DNAH7: variants seen among roughly 807,000 people sequenced by gnomAD.
The protein encoded by DNAH7 is dynein axonemal heavy chain 7.
Under a neutral mutation model 444.6 loss-of-function variants are expected in DNAH7, and 397 were observed. The ratio of observed to expected loss-of-function variants is 0.89; its 90% CI spans 0.82 to 0.97. DNAH7 has a LOEUF of 0.97. DNAH7 is among the 50% of genes least tolerant of loss of function. The pLI is 0.00. For synonymous variants in DNAH7, 1,636 were observed against 1,624.4 expected, an observed-to-expected ratio of 1.01 and a Z score of -0.17; for missense variants, 4,902 against 4,800.8, an observed-to-expected ratio of 1.02 and a Z score of -0.62.
intron 19 of DNAH7, among the ~76,000 whole-genome samples, chr2:195,955,533 T>C (rs1320051052): frequency 6.6e-6 from 1 of 152,114 alleles, no homozygotes; most frequent in African/African-American, 2.4e-5. Context: ...GAAGTGTTAC[T>C]CTCCCCTCCC....
chr2:195,839,684 C>A (rs1698566778), intron 47 of DNAH7, among the ~76,000 whole-genome samples: 1 of 151,616 alleles, frequency 6.6e-6, no homozygotes, highest in South Asian at 2.1e-4. Flanking sequence ...GTGAGATTAT[C>A]ATTACAGACC....
In DNAH7 at chr2:195,883,457, C is replaced by G. The variant is rs373620860; in HGVS notation, c.5763+1128G>C. 3.4e-3 allele frequency among the ~76,000 whole-genome samples: 492 copies of G among 145,564 alleles called. 8 individuals are homozygous for G. Among genetic ancestry groups the G allele is most frequent in the African/African-American group, 0.012 (447 of 38,544 alleles). On this transcript the variant is annotated intron_variant, in intron 35 of 64. Coordinates refer to ENST00000312428, the MANE Select transcript of DNAH7 (RefSeq NM_018897.3). ...AGCGAGACTCAGTCCCCGCTCCCCC[C>G]CCCCAAAAAAAAAGAATCAGAAACG...
At chr2:195,824,955 G>A (rs1364989139) in intron 48 of DNAH7, 2 of 152,438 alleles carry the variant, frequency 1.3e-5, no homozygotes, top group Non-Finnish European at 2.9e-5. Context: ...TTTAATAATT[G>A]ACTCACACAG....
At chr2:195,956,691 C>T (rs1690686224) in intron 19 of DNAH7, among the ~76,000 whole-genome samples, 1 of 151,560 alleles carries the variant, frequency 6.6e-6, no homozygotes. Context: ...AAAAAACGTA[C>T]TTTTTTTTAG....
chr2:195,939,201 G>C (rs1207830780), intron 19 of DNAH7, among the ~76,000 whole-genome samples: 1 of 152,064 alleles, frequency 6.6e-6, no homozygotes, highest in Non-Finnish European at 1.5e-5. Flanking sequence ...AAAATTGTCT[G>C]TTAGAAAGAG....
chr2:195,941,082 T>G (rs192369395), intron 19 of DNAH7, among the ~76,000 whole-genome samples: 1 of 152,098 alleles, frequency 6.6e-6, no homozygotes, highest in African/African-American at 2.4e-5. Flanking sequence ...CGTATGTTTA[T>G]TGCGGTACTA....
intron 9 of DNAH7, among the ~76,000 whole-genome samples, chr2:196,018,271 AAT>A (rs1695149215): frequency 6.6e-6 from 1 of 152,146 alleles, no homozygotes. Flanking sequence ...CAAATAGTAT[AAT>A]ACACATAGTT....
intron 38 of DNAH7, 128 bp downstream of exon 38, chr2:195,875,547 A>T: frequency 1.1e-6 from 1 of 882,382 alleles, no homozygotes; most frequent in Non-Finnish European, 1.7e-6. Context: ...GTTAGGTCAC[A>T]ATAGATACAC....
chr2:195,754,442 C>A lies in DNAH7; in HGVS notation c.11659G>T (p.Gly3887Cys), dbSNP rs376031637. The A allele has an allele frequency of 6.2e-7, 1 of 1,613,942 alleles. No homozygotes were observed. The highest frequency in any genetic ancestry group is 1.7e-5 in the Admixed American group (1 of 59,974). The change falls in exon 63 of 65, where the codon GGT (glycine) becomes TGT (cysteine). Residue 3887 changes from glycine (G) to cysteine (C), a missense_variant. Physicochemically the swap from Gly to Cys is radical, Grantham distance 159. Transcript: ENST00000312428. The stretch of plus-strand genomic sequence containing the variant: ...TTCCTGGCGTAGTTCTGCTGGGCAC[C>A]GGTCAGGAAGGCTTGTGTGAAGAAG... ...GFFFTQAFLT[G>C]AQQNYARKYT...
intron 15 of DNAH7, among the ~76,000 whole-genome samples, chr2:195,983,627 T>C (rs1692715331): frequency 6.6e-6 from 1 of 152,160 alleles, no homozygotes; most frequent in Non-Finnish European, 1.5e-5. Context: ...ACACTGGGGA[T>C]CATGTTTCAA....
chr2:196,011,128 T>C (rs577706616), intron 10 of DNAH7, among the ~76,000 whole-genome samples: 4 of 152,292 alleles, frequency 2.6e-5, no homozygotes, highest in Non-Finnish European at 4.4e-5. Context: ...GAATTTATAG[T>C]ATATTCCAAA....
chr2:195,972,364 A>G lies in DNAH7; in HGVS notation c.1936T>C (p.Ser646Pro). ...LAFLIEYVNF[S>P]PADMRLNNSV... ...TTATTTAGCCTCATGTCTGCTGGAG[A>G]AAAGTTGACATACTCGATGAGGAAG... The change falls in exon 16 of 65, where the codon TCT becomes CCT. Residue 646 changes from serine to proline, a missense_variant. By Grantham distance (74) the Ser-to-Pro change is moderately conservative. Coordinates refer to ENST00000312428, the MANE Select transcript of DNAH7 (RefSeq NM_018897.3). 1 of 1,614,132 alleles carries G rather than the reference A, an allele frequency of 6.2e-7. No individual in the cohort carries two copies. The highest frequency in any genetic ancestry group is 8.5e-7 in the Non-Finnish European group (1 of 1,180,002).
Position 195,960,548 on chromosome 2 carries a change from G to C in DNAH7, c.2603C>G (p.Ser868Ter), listed in dbSNP as rs1240277919. Residue 868 changes from serine to a stop codon, truncating the protein, a stop_gained, in exon 18 of 65, where the codon TCA (serine) becomes TGA (stop). Transcript: ENST00000312428. LOFTEE classifies it high-confidence loss of function. ...AAAAGAGGAGACTGTGGAGTCATCT[G>C]ATGGCTGCAAAGGGTAACCAACAAT... ...SAIVGYPLQPSDDSTVSSFLD... is the reference protein window; with the variant it reads ...SAIVGYPLQP The C allele has an allele frequency of 1.2e-6, 2 of 1,614,196 alleles. No individual in the cohort carries two copies. The highest frequency in any genetic ancestry group is 2.7e-5 in the African/African-American group (2 of 75,052).
At chr2:195,787,265 T>C in intron 57 of DNAH7, 94 bp from the exon 58 acceptor site, 1 of 1,322,616 alleles carries the variant, frequency 7.6e-7, no homozygotes. Flanking sequence ...TTCTTTCATT[T>C]ATAAATAGCA....
rs1485853819 is a variant in DNAH7, at chr2:195,834,247, TAGTC to T, written c.9055_9058del (p.Asp3019MetfsTer17). The T allele has an allele frequency of 6.2e-7, 1 of 1,608,308 alleles. No individual in the cohort carries two copies. Among genetic ancestry groups the T allele is most frequent in the Non-Finnish European group, 8.5e-7 (1 of 1,175,664 alleles). On this transcript the variant is annotated frameshift_variant, in exon 48 of 65. Transcript: ENST00000312428. LOFTEE classifies it high-confidence loss of function. The stretch of plus-strand genomic sequence containing the variant: ...GATGCAATTTTCCAGAGTCCTGACA[TAGTC>T]AGGTTCACTAAGTTTAATCACATAA...
intron 15 of DNAH7, among the ~76,000 whole-genome samples, chr2:195,984,280 G>A (rs1381154224): frequency 6.6e-6 from 1 of 152,192 alleles, no homozygotes; most frequent in East Asian, 1.9e-4. Flanking sequence ...GGAGCATCTA[G>A]CCTAAATTAC....
At chr2:195,849,190 A>G (rs1203774859) in intron 46 of DNAH7, among the ~76,000 whole-genome samples, 1 of 152,200 alleles carries the variant, frequency 6.6e-6, no homozygotes, top group African/African-American at 2.4e-5. Flanking sequence ...GCCAGTGGGA[A>G]TACCCTTAAG....
chr2:195,852,730 T>A (rs2125042523), intron 46 of DNAH7, among the ~76,000 whole-genome samples: 1 of 152,212 alleles, frequency 6.6e-6, no homozygotes, highest in South Asian at 2.1e-4. Flanking sequence ...GTCAGAGAGG[T>A]GGGAGGCAAG....
At chr2:195,887,115 C>T (rs935078467) in intron 33 of DNAH7, among the ~76,000 whole-genome samples, 5 of 151,624 alleles carry the variant, frequency 3.3e-5, no homozygotes, top group African/African-American at 1.2e-4. Flanking sequence ...AACAGGCATT[C>T]CTAATTTCTT....
Sources: allele counts gnomAD v4.1 joint callset (sites outside exome capture counted in the v4.1 genomes callset), GRCh38; gene constraint gnomAD v4.1.1; transcripts MANE v1.5; gene names NCBI Gene and HGNC (gene_info 2026-07-23, HGNC 2026-07-21).